Variants in RCAN3 observed in about 807,000 individuals in gnomAD.
RCAN3 encodes regulator of calcineurin 3, also known as calcipressin-3.
RCAN3 carries 19 observed loss-of-function variants against 21.9 expected under a neutral mutation model. The observed-to-expected ratio is 0.87, with a 90% CI of 0.61 to 1.27. RCAN3 has a LOEUF of 1.27. RCAN3 is among the 50% of genes most tolerant of loss of function. The pLI, the probability that RCAN3 is intolerant of heterozygous loss-of-function variation, is 0.00. For synonymous variants in RCAN3, 114 were observed against 112.3 expected (o/e 1.01, Z -0.09); for missense variants, 240 against 300.1 (o/e 0.80, Z 1.48).
At chr1:24,505,138 A>G (rs1167842920) in intron 1 of RCAN3, among the ~76,000 whole-genome samples, 1 of 151,118 alleles carries the variant, frequency 6.6e-6, no homozygotes, top group Admixed American at 6.6e-5. Context: ...AGTAGAGAAT[A>G]GAAGGTAGGG....
At chr1:24,527,130 C>G (rs1467299244) in intron 2 of RCAN3, among the ~76,000 whole-genome samples, 1 of 152,082 alleles carries the variant, frequency 6.6e-6, no homozygotes, top group African/African-American at 2.4e-5. Flanking sequence ...CTCCCAGGCT[C>G]AAGCAATTCT....
upstream of RCAN3, chr1:24,502,508 CT>C (rs1647190452): frequency 6.6e-6 from 1 of 152,314 alleles, no homozygotes; most frequent in African/African-American, 2.4e-5. Flanking sequence ...GTAACCAGCC[CT>C]GAGTAAACGT....
At chr1:24,531,993 GT>G (rs942746372) in intron 3 of RCAN3, among the ~76,000 whole-genome samples, 6 of 151,792 alleles carry the variant, frequency 4.0e-5, no homozygotes, top group African/African-American at 1.5e-4. Context: ...TAAATGCACT[GT>G]TTTATTTTCA....
intron 4 of RCAN3, among the ~76,000 whole-genome samples, chr1:24,534,479 C>A (rs558452085): frequency 6.6e-6 from 1 of 152,156 alleles, no homozygotes; most frequent in East Asian, 1.9e-4. Flanking sequence ...TGATAGCGGG[C>A]GCCTGTAGTC....
intron 2 of RCAN3, 84 bp downstream of exon 2, chr1:24,514,651 G>A: frequency 7.6e-7 from 1 of 1,319,630 alleles, no homozygotes. Flanking sequence ...ACTGGTCCCT[G>A]ACAAATTAAG....
intron 4 of RCAN3, 22 bp from the exon 5 acceptor site, chr1:24,535,071 G>T: frequency 1.3e-6 from 2 of 1,589,346 alleles, no homozygotes; most frequent in Non-Finnish European, 1.7e-6. Flanking sequence ...TTTTGTCATG[G>T]TTATTTTGTT....
rs117348100 is a variant in RCAN3, at chr1:24,503,590, C to A, written c.-60+440C>A. Among the ~76,000 whole-genome samples the A allele has an allele frequency of 1.0e-3, 153 of 152,334 alleles. 1 individual carries two copies. In the East Asian group the frequency reaches 0.021, roughly 21 times the overall value. ...GTGGATCACCATCGCATTAGTGACTCCCTAACTTCTTGAAACTTGTCTGTC... is the reference window on the plus strand; with the variant it reads ...GTGGATCACCATCGCATTAGTGACTACCTAACTTCTTGAAACTTGTCTGTC... On this transcript the variant is annotated intron_variant, in intron 1 of 4. Coordinates refer to ENST00000374395, the MANE Select transcript of RCAN3 (RefSeq NM_013441.4).
chr1:24,503,748 G>A (rs889698835), intron 1 of RCAN3, among the ~76,000 whole-genome samples: 2 of 152,232 alleles, frequency 1.3e-5, no homozygotes, highest in African/African-American at 4.8e-5. Flanking sequence ...CCAGATCCGT[G>A]TTTCAGATAC....
At chr1:24,532,097 C>T (rs191877751) in intron 3 of RCAN3, among the ~76,000 whole-genome samples, 2 of 152,202 alleles carry the variant, frequency 1.3e-5, no homozygotes, top group East Asian at 1.9e-4. Flanking sequence ...GATGTCTTGA[C>T]GTTTCTTGGT....
intron 2 of RCAN3, among the ~76,000 whole-genome samples, chr1:24,530,522 G>T (rs1330515538): frequency 6.6e-6 from 1 of 152,072 alleles, no homozygotes; most frequent in East Asian, 1.9e-4. Context: ...GCAAGGGAAT[G>T]ATAAAATTCC....
rs574924209 is a variant in RCAN3 at position 24,519,223 on chromosome 1, T to G, written c.195+4656T>G. On this transcript the variant is annotated intron_variant, in intron 2 of 4. Transcript: ENST00000374395. ...ACTGTGCCTGGCCTGATGTTTTTTT[T>G]TTTTTTTTTTAAGAGACAAGGTCTT... Among the ~76,000 whole-genome samples the G allele has an allele frequency of 2.7e-3, 414 of 151,482 alleles. 2 individuals are homozygous for G. The highest frequency in any genetic ancestry group is 3.8e-3 in the Non-Finnish European group (260 of 67,680).
At chr1:24,524,697 T>A (rs1649111303) in intron 2 of RCAN3, among the ~76,000 whole-genome samples, 1 of 152,144 alleles carries the variant, frequency 6.6e-6, no homozygotes, top group African/African-American at 2.4e-5. Flanking sequence ...CTAGATCAGA[T>A]TTACAGAAAG....
intron 2 of RCAN3, among the ~76,000 whole-genome samples, chr1:24,522,551 C>A (rs1371852722): frequency 6.6e-6 from 1 of 152,196 alleles, no homozygotes. Flanking sequence ...ACAGAGGTGA[C>A]CAGCTTGAAA....
At chr1:24,524,644 T>C (rs925732677) in intron 2 of RCAN3, among the ~76,000 whole-genome samples, 1 of 152,160 alleles carries the variant, frequency 6.6e-6, no homozygotes, top group Non-Finnish European at 1.5e-5. Context: ...GCCTTTGATA[T>C]TAGTGGACCT....
intron 4 of RCAN3, 64 bp downstream of exon 4, chr1:24,533,318 A>G: frequency 7.7e-7 from 1 of 1,306,808 alleles, no homozygotes; most frequent in South Asian, 1.8e-5. Context: ...GATCGTATTC[A>G]GCAGTGTGCA....
Position 24,535,191 on chromosome 1 carries a change from C to G in RCAN3, c.640C>G (p.Pro214Ala), listed in dbSNP as rs968216586. ...ETEEEEETKN[P>A]KQKIAQTRRP... ...TGAAGAGGAAGAAGAGACAAAAAAC[C>G]CCAAACAGAAAATTGCCCAGACGAG... Residue 214 changes from proline to alanine, a missense_variant, in exon 5 of 5, where the codon CCC becomes GCC. Physicochemically the swap from Pro to Ala is conservative, Grantham distance 27 (BLOSUM62 -1). Coordinates refer to ENST00000374395, the MANE Select transcript of RCAN3 (RefSeq NM_013441.4). 3 of 1,594,168 alleles carry G rather than the reference C, an allele frequency of 1.9e-6. No individual in the cohort carries two copies. The highest frequency in any genetic ancestry group is 1.1e-5 in the South Asian group (1 of 88,114).
intron 1 of RCAN3, among the ~76,000 whole-genome samples, chr1:24,505,615 A>G (rs1647380916): frequency 6.6e-6 from 1 of 152,174 alleles, no homozygotes; most frequent in African/African-American, 2.4e-5. Context: ...TTTATTTTAT[A>G]TATTTTATAC....
At chr1:24,528,223 T>C (rs1243655278) in intron 2 of RCAN3, among the ~76,000 whole-genome samples, 5 of 50,286 alleles carry the variant, frequency 9.9e-5, no homozygotes, top group South Asian at 4.8e-4. Flanking sequence ...GGGAGGAAAA[T>C]AGAGAAAGAG....
At chr1:24,502,537 G>C, upstream of RCAN3, 1 of 152,282 alleles carries the variant, frequency 6.6e-6, no homozygotes, top group Non-Finnish European at 1.5e-5. Flanking sequence ...ATTCCTATGA[G>C]CTGCTCCGGG....
Sources: gnomAD v4.1 joint callset for allele counts (sites outside exome capture counted in the v4.1 genomes callset) on GRCh38, gnomAD v4.1.1 for gene constraint, MANE v1.5 for transcripts, NCBI Gene and HGNC (gene_info 2026-07-23, HGNC 2026-07-21) for gene names.